The following GXYLT2 variants were observed in gnomAD, a reference collection of about 807,000 sequenced individuals.
GXYLT2 encodes glucoside xylosyltransferase 2.
Under a neutral mutation model 45.8 loss-of-function variants are expected in GXYLT2, and 53 were observed. The observed-to-expected ratio is 1.16, with a 90% confidence interval of 0.93 to 1.46. The LOEUF is 1.46. GXYLT2 is among the 40% of genes most tolerant of loss of function. The probability of loss-of-function intolerance (pLI) is 0.00; values close to 1 mark genes in which losing one functional copy is unlikely to be tolerated. For missense variants in GXYLT2, 551 were observed against 544.4 expected (o/e 1.01, Z -0.12); for synonymous variants, 219 against 214.2 (o/e 1.02, Z -0.19).
At chr3:72,906,306 T>A (rs1041843733) in intron 1 of GXYLT2, among the ~76,000 whole-genome samples, 1 of 152,144 alleles carries the variant, frequency 6.6e-6, no homozygotes, top group Non-Finnish European at 1.5e-5. Flanking sequence ...CTGCGTGGCA[T>A]GCTCCTCCCC....
chr3:72,913,188 C>A (rs1709666919), intron 2 of GXYLT2, among the ~76,000 whole-genome samples: 1 of 151,222 alleles, frequency 6.6e-6, no homozygotes, highest in Non-Finnish European at 1.5e-5. Flanking sequence ...CAGGCGCCCG[C>A]CACCACGCCC....
intron 3 of GXYLT2, among the ~76,000 whole-genome samples, chr3:72,948,813 G>T (rs1710460180): frequency 6.8e-6 from 1 of 147,688 alleles, no homozygotes; most frequent in African/African-American, 2.5e-5. Context: ...CTCCAGCCTG[G>T]TGACAGAGCA....
intron 2 of GXYLT2, among the ~76,000 whole-genome samples, chr3:72,916,865 T>C (rs1191659007): frequency 6.6e-6 from 1 of 151,792 alleles, no homozygotes; most frequent in African/African-American, 2.4e-5. Context: ...TGTGTTATTG[T>C]AAACCAGCCA....
chr3:72,906,370 C>G (rs1709510353), intron 1 of GXYLT2, among the ~76,000 whole-genome samples: 1 of 152,150 alleles, frequency 6.6e-6, no homozygotes, highest in Non-Finnish European at 1.5e-5. Flanking sequence ...TTGCAGAGCT[C>G]ACCTTAGTGC....
intron 1 of GXYLT2, among the ~76,000 whole-genome samples, chr3:72,894,704 A>T (rs1056310106): frequency 5.3e-5 from 8 of 152,186 alleles, no homozygotes; most frequent in Admixed American, 4.6e-4. Flanking sequence ...CGGGCTATAC[A>T]GGGGATTAAG....
At chr3:72,969,179 G>C (rs1011272893) in intron 6 of GXYLT2, among the ~76,000 whole-genome samples, 7 of 152,098 alleles carry the variant, frequency 4.6e-5, no homozygotes, top group Non-Finnish European at 8.8e-5. Context: ...ATGGCTGTCT[G>C]GAGCCCTTTA....
intron 1 of GXYLT2, among the ~76,000 whole-genome samples, chr3:72,894,417 T>C (rs1480912794): frequency 6.6e-6 from 1 of 152,258 alleles, no homozygotes; most frequent in Non-Finnish European, 1.5e-5. Flanking sequence ...GCAGCCGTTA[T>C]GTGCACTTGA....
chr3:72,965,400 G>A (rs887834950), intron 5 of GXYLT2, among the ~76,000 whole-genome samples: 1 of 152,146 alleles, frequency 6.6e-6, no homozygotes, highest in Non-Finnish European at 1.5e-5. Flanking sequence ...TCTTGAAGTT[G>A]CTTTTCCAAT....
intron 3 of GXYLT2, among the ~76,000 whole-genome samples, chr3:72,939,798 C>G (rs553486944): frequency 1.8e-4 from 28 of 151,860 alleles, no homozygotes; most frequent in Admixed American, 3.3e-4. Flanking sequence ...TCCCTCACCT[C>G]AGCCTCCTGA....
chr3:72,960,092 C>T (rs1319849558), intron 5 of GXYLT2, among the ~76,000 whole-genome samples: 2 of 152,272 alleles, frequency 1.3e-5, no homozygotes, highest in South Asian at 4.1e-4. Flanking sequence ...ATTACAGGCA[C>T]CTGCCACCAC....
intron 3 of GXYLT2, 116 bp from the exon 4 acceptor site, chr3:72,954,982 A>T (rs1181735980): frequency 9.7e-7 from 1 of 1,030,874 alleles, no homozygotes. Context: ...TTTAATACGA[A>T]TCAACAAAAG....
At chr3:72,930,845 C>T (rs1460166092) in intron 3 of GXYLT2, among the ~76,000 whole-genome samples, 1 of 152,088 alleles carries the variant, frequency 6.6e-6, no homozygotes, top group Non-Finnish European at 1.5e-5. Flanking sequence ...CCACCTGCCT[C>T]AGCCTCCCAA....
chr3:72,908,298 C>A, intron 1 of GXYLT2, 69 bp from the exon 2 acceptor site: 1 of 1,115,036 alleles, frequency 9.0e-7, no homozygotes, highest in Non-Finnish European at 1.3e-6. Flanking sequence ...ACCATTCACT[C>A]GCCGGTTTTT....
chr3:72,908,867 A>G (rs1035701818), intron 2 of GXYLT2, among the ~76,000 whole-genome samples: 1 of 151,986 alleles, frequency 6.6e-6, no homozygotes, highest in African/African-American at 2.4e-5. Flanking sequence ...CCTCCCAAGT[A>G]GCTGGGACTA....
intron 5 of GXYLT2, among the ~76,000 whole-genome samples, chr3:72,961,548 TTC>T (rs1350457243): frequency 6.6e-6 from 1 of 151,972 alleles, no homozygotes. Context: ...TCAGACCACA[TTC>T]TCTGTTTGCC....
chr3:72,940,507 A>G (rs1418846681), intron 3 of GXYLT2, among the ~76,000 whole-genome samples: 1 of 152,090 alleles, frequency 6.6e-6, no homozygotes, highest in Non-Finnish European at 1.5e-5. Context: ...AATGTTGGTT[A>G]ATTCTGAAGA....
At chr3:72,952,707 C>T (rs1710550284) in intron 3 of GXYLT2, among the ~76,000 whole-genome samples, 1 of 152,064 alleles carries the variant, frequency 6.6e-6, no homozygotes, top group Non-Finnish European at 1.5e-5. Flanking sequence ...CCTCTGTCCT[C>T]ACATGGCAGA....
At chr3:72,911,502 A>C (rs1469837160) in intron 2 of GXYLT2, among the ~76,000 whole-genome samples, 1 of 152,092 alleles carries the variant, frequency 6.6e-6, no homozygotes, top group Non-Finnish European at 1.5e-5. Context: ...AAGTTACAAA[A>C]GGCACTTCAC....
At chr3:72,936,855 G>C (rs1382457800) in intron 3 of GXYLT2, among the ~76,000 whole-genome samples, 1 of 152,176 alleles carries the variant, frequency 6.6e-6, no homozygotes, top group Non-Finnish European at 1.5e-5. Context: ...GGATGGGAAG[G>C]TATATGTGTG....
Sources: allele counts gnomAD v4.1 joint callset (sites outside exome capture counted in the v4.1 genomes callset), GRCh38; gene constraint gnomAD v4.1.1; transcripts MANE v1.5; gene names NCBI Gene and HGNC (gene_info 2026-07-23, HGNC 2026-07-21).